The following GDAP1 variants were observed in gnomAD, a reference collection of about 807,000 sequenced individuals.
GDAP1 encodes ganglioside-induced differentiation-associated protein 1.
GDAP1 carries 34 observed loss-of-function variants against 40.1 expected under a neutral mutation model. The ratio of observed to expected loss-of-function variants is 0.85; its 90% confidence interval spans 0.64 to 1.13. The LOEUF (loss-of-function observed/expected upper bound fraction) is 1.13. Among genes scored for constraint, GDAP1 ranks in the 50% most tolerant of loss-of-function variants. GDAP1 has a pLI of 0.00. For missense variants in GDAP1, 374 were observed against 433.7 expected (o/e 0.86, Z 1.22); for synonymous variants, 170 against 157.4 (o/e 1.08, Z -0.60).
chr8:74,361,093 C>T (rs1809339421), intron 3 of GDAP1, among the ~76,000 whole-genome samples: 1 of 151,986 alleles, frequency 6.6e-6, no homozygotes. Context: ...TCTCCCTTCT[C>T]TTCCTTTTTC....
At chr8:74,402,797 G>A (rs1212265929) in intron 2 of GDAP1, among the ~76,000 whole-genome samples, 1 of 150,088 alleles carries the variant, frequency 6.7e-6, no homozygotes, top group Admixed American at 6.6e-5. Flanking sequence ...AAATCTTAAA[G>A]TTAACCTGTA....
rs1809518260 is a variant in GDAP1 at position 74,364,283 on chromosome 8, A to T, written c.993A>T (p.Gly331=). 6.2e-7 allele frequency: 1 copy of T among 1,614,106 alleles called. No homozygotes were observed. Among genetic ancestry groups the T allele is most frequent in the Non-Finnish European group, 8.5e-7 (1 of 1,179,982 alleles). ...GTTLVVGLLA[G]VGYFAFMLFR... The stretch of plus-strand genomic sequence containing the variant: ...CCCTTGTGGTTGGTTTGCTTGCAGG[A>T]GTGGGATATTTTGCTTTTATGCTTT... Residue 331 remains glycine (G), a synonymous_variant, in exon 6 of 6, where the codon GGA becomes GGT. Coordinates refer to ENST00000220822, the MANE Select transcript of GDAP1 (RefSeq NM_018972.4).
At position 74,372,595 on chromosome 8, in the gene GDAP1, C is replaced by T. The variant is rs192961506; in HGVS notation, c.165+21274C>T. On this transcript the variant is annotated intron_variant, in intron 2 of 2. Transcript: ENST00000523640. ...TTGAGAAGTGTCTGTTCATATCCTTCGCCCACTTTTTGATGGGGTTTGATT... is the reference window on the plus strand; with the variant it reads ...TTGAGAAGTGTCTGTTCATATCCTTTGCCCACTTTTTGATGGGGTTTGATT... Among the ~76,000 whole-genome samples, 1,180 of 152,224 alleles carry T rather than the reference C, an allele frequency of 7.8e-3. 19 individuals are homozygous for T. The highest frequency in any genetic ancestry group is 0.027 in the African/African-American group (1,107 of 41,528).
At chr8:74,469,046 C>G (rs1806510438) in intron 2 of GDAP1, among the ~76,000 whole-genome samples, 1 of 152,110 alleles carries the variant, frequency 6.6e-6, no homozygotes, top group Non-Finnish European at 1.5e-5. Flanking sequence ...CAGATATATG[C>G]ATATGATGAA....
At chr8:74,426,042 C>G (rs926963602) in intron 2 of GDAP1, among the ~76,000 whole-genome samples, 1 of 152,138 alleles carries the variant, frequency 6.6e-6, no homozygotes, top group African/African-American at 2.4e-5. Context: ...TGCAGTTGTT[C>G]CTAGTTCTGC....
In GDAP1 at chr8:74,432,264, T is replaced by TGGATTTCTC. The variant is rs1290128424; in HGVS notation, c.166-56414_166-56413insGGATTTCTC. On this transcript the variant is annotated intron_variant, in intron 2 of 2. Coordinates refer to the GDAP1 transcript ENST00000523640. ...GATTCAGCCATTCCTCAAGGTATTTTACCCTTGGATTTCTCACTTGCTGAG... is the reference window on the plus strand; with the variant it reads ...GATTCAGCCATTCCTCAAGGTATTTTGGATTTCTCACCCTTGGATTTCTCACTTGCTGAG... 4.6e-5 allele frequency among the ~76,000 whole-genome samples: 7 copies of TGGATTTCTC among 152,330 alleles called. No individual in the cohort carries two copies. The East Asian group carries it at 1.4e-3, about 29-fold the overall frequency.
chr8:74,408,779 G>A (rs1208588352), intron 2 of GDAP1, among the ~76,000 whole-genome samples: 2 of 150,122 alleles, frequency 1.3e-5, no homozygotes, highest in Non-Finnish European at 2.9e-5. Flanking sequence ...CGACTTATTG[G>A]TTAATGATGT....
intron 2 of GDAP1, among the ~76,000 whole-genome samples, chr8:74,395,651 G>A (rs755688878): frequency 2.8e-4 from 42 of 152,176 alleles, no homozygotes; most frequent in Non-Finnish European, 5.7e-4. Context: ...GTATGTGGGC[G>A]TGTCTGCAAT....
intron 2 of GDAP1, among the ~76,000 whole-genome samples, chr8:74,400,273 C>T (rs1233721744): frequency 6.7e-6 from 1 of 149,978 alleles, no homozygotes; most frequent in Non-Finnish European, 1.5e-5. Context: ...GTTAGCTCTT[C>T]TTGTTGAATT....
At chr8:74,439,214 A>T (rs1806130503) in intron 2 of GDAP1, among the ~76,000 whole-genome samples, 1 of 152,056 alleles carries the variant, frequency 6.6e-6, no homozygotes, top group Non-Finnish European at 1.5e-5. Context: ...CTACATATAT[A>T]TACATGTTAT....
chr8:74,399,667 T>G lies in GDAP1; in HGVS notation c.165+48346T>G, dbSNP rs1472300586. Among the ~76,000 whole-genome samples the G allele has an allele frequency of 3.0e-5, 4 of 132,108 alleles. No individual in the cohort carries two copies. In the East Asian group the frequency reaches 6.1e-4, roughly 20 times the overall value. 86.7% of individuals were successfully genotyped at this position (132,108 alleles called of 152,430 possible). ...AGGGTGTCAATTTTGGATCTTTCCT[T>G]CTTTCTCTTATGGGCATTTAGTGCT... On this transcript the variant is annotated intron_variant, in intron 2 of 2. Coordinates refer to the GDAP1 transcript ENST00000523640.
chr8:74,350,619 C>A, intron 1 of GDAP1, 41 bp downstream of exon 1: 1 of 1,215,836 alleles, frequency 8.2e-7, no homozygotes, highest in Non-Finnish European at 1.2e-6. Flanking sequence ...GCGGATCGGG[C>A]TTCAGCACTG....
intron 2 of GDAP1, among the ~76,000 whole-genome samples, chr8:74,356,717 T>TA (rs1554547167): frequency 0.063 from 1,385 of 22,150 alleles, 32 homozygotes; most frequent in Non-Finnish European, 0.088. Context: ...TATATATATA[T>TA]TTTTTTTTTT....
downstream of GDAP1, among the ~76,000 whole-genome samples, chr8:74,368,215 A>G (rs1301853287): frequency 6.6e-6 from 1 of 152,198 alleles, no homozygotes; most frequent in African/African-American, 2.4e-5. Flanking sequence ...ATTCATATCC[A>G]TATATGTAAA....
intron 2 of GDAP1, among the ~76,000 whole-genome samples, chr8:74,480,533 C>T (rs1450326253): frequency 6.6e-6 from 1 of 152,140 alleles, no homozygotes; most frequent in East Asian, 1.9e-4. Context: ...ACTGAAGACT[C>T]CTTAGTCTAT....
chr8:74,356,173 G>A (rs1243014344), intron 2 of GDAP1, among the ~76,000 whole-genome samples: 2 of 152,056 alleles, frequency 1.3e-5, no homozygotes, highest in Non-Finnish European at 2.9e-5. Flanking sequence ...ATACCATATG[G>A]CATGGAAAAG....
At chr8:74,447,882 T>G (rs1806252197) in intron 2 of GDAP1, among the ~76,000 whole-genome samples, 1 of 152,180 alleles carries the variant, frequency 6.6e-6, no homozygotes, top group African/African-American at 2.4e-5. Flanking sequence ...GAAATGAATT[T>G]CATGCTTAGA....
At chr8:74,416,936 T>TG (rs1377462100) in intron 2 of GDAP1, among the ~76,000 whole-genome samples, 8 of 127,308 alleles carry the variant, frequency 6.3e-5, no homozygotes, top group African/African-American at 1.2e-4. Flanking sequence ...TTTGTTTTTT[T>TG]TTTTTTTAAC....
At position 74,485,526 on chromosome 8, in the gene GDAP1, T is replaced by C. The variant is rs569166291; in HGVS notation, c.166-3152T>C. Among the ~76,000 whole-genome samples, 8 of 152,204 alleles carry C rather than the reference T, an allele frequency of 5.3e-5. No individual in the cohort carries two copies. In the East Asian group the frequency reaches 1.5e-3, roughly 29 times the overall value. Reference sequence around the variant, plus strand: ...AGCATTTAAACATATATACAAAAAATGGTTAGAGAGCAATACAAGATCCGA... The same window carrying C: ...AGCATTTAAACATATATACAAAAAACGGTTAGAGAGCAATACAAGATCCGA... On this transcript the variant is annotated intron_variant, in intron 2 of 2. Coordinates refer to the GDAP1 transcript ENST00000523640.
Sources: allele counts gnomAD v4.1 joint callset (sites outside exome capture counted in the v4.1 genomes callset), GRCh38; gene constraint gnomAD v4.1.1; transcripts MANE v1.5; gene names NCBI Gene and HGNC (gene_info 2026-07-23, HGNC 2026-07-21).